Variants in ARID4A observed in about 807,000 individuals in gnomAD.
The protein encoded by ARID4A is AT-rich interactive domain-containing protein 4A.
In ARID4A, 39 loss-of-function variants were observed where a neutral mutation model predicts 148.6. The ratio of observed to expected loss-of-function variants is 0.26; its 90% CI spans 0.20 to 0.34. The LOEUF is 0.34. Ranked by LOEUF, ARID4A falls within the 10% of genes least tolerant of loss-of-function variation. The pLI is 1.00. For missense variants in ARID4A, 1,265 were observed against 1,449.1 expected (o/e 0.87, Z 2.06); for synonymous variants, 475 against 481.2 (o/e 0.99, Z 0.17).
In ARID4A at chr14:58,329,017, A is replaced by G. The variant is rs537010473; in HGVS notation, c.663-511A>G. On this transcript the variant is annotated intron_variant, in intron 9 of 23. Transcript: ENST00000355431. ...AAAAAAAAAAAAAATCCAGACTTAC[A>G]GAAACTTTTTCCTAACCTCATCTCT... Among the ~76,000 whole-genome samples, 52 of 152,080 alleles carry G rather than the reference A, an allele frequency of 3.4e-4. 1 individual carries two copies. The highest frequency in any genetic ancestry group is 9.2e-4 in the Admixed American group (14 of 15,266).
chr14:58,323,285 G>C (rs1238251737), intron 7 of ARID4A, among the ~76,000 whole-genome samples, 200 bp from the exon 8 acceptor site: 1 of 152,076 alleles, frequency 6.6e-6, no homozygotes, highest in Non-Finnish European at 1.5e-5. Context: ...AGTGGACTCA[G>C]AGTTACCATA....
intron 5 of ARID4A, 79 bp downstream of exon 5, chr14:58,306,191 G>A (rs1041490876): frequency 8.1e-5 from 81 of 994,426 alleles, no homozygotes; most frequent in Admixed American, 2.8e-4. Flanking sequence ...CTGAATCATT[G>A]TGTTGGTGGA....
chr14:58,340,209 G>T (rs1410970406), intron 11 of ARID4A, among the ~76,000 whole-genome samples: 2 of 151,984 alleles, frequency 1.3e-5, no homozygotes, highest in Non-Finnish European at 2.9e-5. Context: ...AACCACCTGT[G>T]TCTTTTTTTT....
chr14:58,365,920 C>A, intron 21 of ARID4A, 104 bp from the exon 22 acceptor site: 1 of 1,055,796 alleles, frequency 9.5e-7, no homozygotes, highest in Non-Finnish European at 1.4e-6. Flanking sequence ...CATTTGTGCA[C>A]TTATTTCTGT....
Position 58,364,374 on chromosome 14 carries a change from T to G in ARID4A, c.2285T>G (p.Val762Gly). Residue 762 changes from valine (V) to glycine (G), a missense_variant, in exon 20 of 24, where the codon GTT becomes GGT. Physicochemically the swap from Val to Gly is moderately radical, Grantham distance 109 (BLOSUM62 -3). Coordinates refer to ENST00000355431, the MANE Select transcript of ARID4A (RefSeq NM_002892.4). ...CCTTTAGAAACCCTGAAGTTAGAAGTTGGAGAGAATGAACAAATAGTACAG... is the reference window on the plus strand; with the variant it reads ...CCTTTAGAAACCCTGAAGTTAGAAGGTGGAGAGAATGAACAAATAGTACAG... ...MQPLETLKLE[V>G]GENEQIVQIF... is the part of the protein sequence containing the mutation. 3 of 1,601,418 alleles carry G rather than the reference T, an allele frequency of 1.9e-6. No individual in the cohort carries two copies. The highest frequency in any genetic ancestry group is 2.5e-6 in the Non-Finnish European group (3 of 1,176,910).
At chr14:58,355,203 C>G (rs1328313659) in intron 17 of ARID4A, among the ~76,000 whole-genome samples, 2 of 152,184 alleles carry the variant, frequency 1.3e-5, no homozygotes, top group African/African-American at 4.8e-5. Context: ...TCCTGGGTTT[C>G]TCTATACACT....
At chr14:58,317,290 A>AT (rs1215908033) in intron 5 of ARID4A, among the ~76,000 whole-genome samples, 2,325 of 131,580 alleles carry the variant, frequency 0.018, 66 homozygotes, top group African/African-American at 0.057. Context: ...CTTCTTTTTT[A>AT]TTTTTTTTTT....
At chr14:58,317,295 T>TA (rs1168791705) in intron 5 of ARID4A, among the ~76,000 whole-genome samples, 1 of 150,400 alleles carries the variant, frequency 6.6e-6, no homozygotes, top group African/African-American at 2.4e-5. Flanking sequence ...TTTTTATTTT[T>TA]TTTTTTTGGG....
At chr14:58,324,600 T>A (rs1270584784) in intron 8 of ARID4A, among the ~76,000 whole-genome samples, 1 of 152,222 alleles carries the variant, frequency 6.6e-6, no homozygotes, top group Non-Finnish European at 1.5e-5. Context: ...TTTTAAAATA[T>A]CATTTAGTCA....
At chr14:58,356,726 G>A (rs1276410041) in intron 17 of ARID4A, among the ~76,000 whole-genome samples, 7 of 145,856 alleles carry the variant, frequency 4.8e-5, no homozygotes, top group East Asian at 3.9e-4. Context: ...TTTTTAAGAC[G>A]GAGTCTTGCT....
In ARID4A at chr14:58,364,365, A is replaced by G. The variant is rs1274664036; in HGVS notation, c.2276A>G (p.Lys759Arg). The G allele has an allele frequency of 6.3e-7, 1 of 1,597,358 alleles. No individual in the cohort carries two copies. Among genetic ancestry groups the G allele is most frequent in the Non-Finnish European group, 8.5e-7 (1 of 1,175,916 alleles). The change falls in exon 20 of 24, where the codon AAG becomes AGG. Residue 759 changes from lysine (K) to arginine (R), a missense_variant. Physicochemically the swap from Lys to Arg is conservative, Grantham distance 26 (BLOSUM62 2). This residue lies in a region of ARID4A where 666 missense variants were observed against 730.9 expected (regional missense o/e 0.91). Transcript: ENST00000355431. ...CAAATGCAGCCTTTAGAAACCCTGAAGTTAGAAGTTGGAGAGAATGAACAA... is the reference window on the plus strand; with the variant it reads ...CAAATGCAGCCTTTAGAAACCCTGAGGTTAGAAGTTGGAGAGAATGAACAA... ...RTQMQPLETL[K>R]LEVGENEQIV... is the part of the protein sequence containing the mutation.
At position 58,319,380 on chromosome 14, in the gene ARID4A, C is replaced by A. The variant is rs530759477; in HGVS notation, c.449+575C>A. Among the ~76,000 whole-genome samples, 9 of 152,040 alleles carry A rather than the reference C, an allele frequency of 5.9e-5. No homozygotes were observed. The South Asian group carries it at 1.7e-3, about 28-fold the overall frequency. On this transcript the variant is annotated intron_variant, in intron 7 of 23. Coordinates refer to ENST00000355431, the MANE Select transcript of ARID4A (RefSeq NM_002892.4). ...CCACACCCAGCCTGAGCCACTGCGC[C>A]AGGCCCAAAGTTTTTAATTGATATG...
intron 13 of ARID4A, 43 bp from the exon 14 acceptor site, chr14:58,346,977 T>G (rs769222856): frequency 4.8e-6 from 1 of 210,122 alleles, no homozygotes; most frequent in Non-Finnish European, 9.3e-6. Context: ...AAAAAAAGAT[T>G]AATTCCCTTT....
chr14:58,359,540 C>T (rs963798696), intron 18 of ARID4A, among the ~76,000 whole-genome samples: 14 of 152,114 alleles, frequency 9.2e-5, no homozygotes, highest in African/African-American at 3.1e-4. Flanking sequence ...ATGGATCCAT[C>T]ACTATAGTAT....
In ARID4A at chr14:58,372,412, G is replaced by GT. The variant is rs930110832; in HGVS notation, c.*424dup. On this transcript the variant is annotated 3_prime_UTR_variant, in exon 24 of 24. Coordinates refer to ENST00000355431, the MANE Select transcript of ARID4A (RefSeq NM_002892.4). ...TAAGATGTATTTGAACACTTGGTGA[G>GT]TAGGGGGTTTATGTTGTGTTTTTTT... 2 of 238,192 alleles carry GT rather than the reference G, an allele frequency of 8.4e-6. No homozygotes were observed. Among genetic ancestry groups the GT allele is most frequent in the African/African-American group, 4.4e-5 (2 of 45,214 alleles). The allele number at this position is 238,192 out of a possible 1,614,324, so 14.8% of individuals were successfully genotyped here.
intron 5 of ARID4A, among the ~76,000 whole-genome samples, chr14:58,308,169 G>C (rs907301117): frequency 1.3e-5 from 2 of 152,170 alleles, no homozygotes; most frequent in African/African-American, 4.8e-5. Context: ...TCACTGCTAA[G>C]CATTCTCTAT....
At chr14:58,351,428 C>T in intron 16 of ARID4A, 105 bp downstream of exon 16, 1 of 1,411,682 alleles carries the variant, frequency 7.1e-7, no homozygotes, top group Non-Finnish European at 9.5e-7. Context: ...CTTATTGGGA[C>T]TTCCGTTCCT....
rs553735958 is a variant in ARID4A, at chr14:58,334,007, C to T, written c.906+3838C>T. Among the ~76,000 whole-genome samples the T allele has an allele frequency of 2.0e-5, 3 of 152,236 alleles. No individual in the cohort carries two copies. The South Asian group carries it at 6.2e-4, about 32-fold the overall frequency. ...TATATGACAACTGACTTGCTAAAAT[C>T]TTAAAGTTTAGCCCATTAAGCAAAC... On this transcript the variant is annotated intron_variant, in intron 11 of 23. Transcript: ENST00000355431.
intron 11 of ARID4A, among the ~76,000 whole-genome samples, chr14:58,342,575 T>C (rs1295701065): frequency 6.6e-6 from 1 of 152,222 alleles, no homozygotes; most frequent in African/African-American, 2.4e-5. Flanking sequence ...TGCTTTTACA[T>C]ATATTGAATA....
Sources: gnomAD v4.1 joint callset for allele counts (sites outside exome capture counted in the v4.1 genomes callset) on GRCh38, gnomAD v4.1.1 for gene constraint, gnomAD v4.1.1 regional missense constraint, MANE v1.5 for transcripts, NCBI Gene and HGNC (gene_info 2026-07-23, HGNC 2026-07-21) for gene names.